Variants in STRN3 observed in about 807,000 individuals in gnomAD.
STRN3 encodes striatin-3.
Under a neutral mutation model 95.6 loss-of-function variants are expected in STRN3, and 29 were observed. That is an observed-to-expected ratio of 0.30 (90% CI 0.23 to 0.41). STRN3 has a LOEUF of 0.41. STRN3 is among the 10% of genes least tolerant of loss of function. The pLI is 1.00. For synonymous variants in STRN3, 331 were observed against 357.6 expected (o/e 0.93, Z 0.84); for missense variants, 890 against 972.1 (o/e 0.92, Z 1.12).
chr14:30,958,886 G>A (rs1159491917), intron 1 of STRN3, among the ~76,000 whole-genome samples: 1 of 151,982 alleles, frequency 6.6e-6, no homozygotes, highest in Non-Finnish European at 1.5e-5. Flanking sequence ...TCCACACTTA[G>A]ACAATCTAGT....
intron 16 of STRN3, among the ~76,000 whole-genome samples, chr14:30,900,632 C>G (rs1049319879): frequency 2.6e-4 from 39 of 151,652 alleles, no homozygotes; most frequent in Non-Finnish European, 4.6e-4. Flanking sequence ...GTAGTCCCAC[C>G]CAGCTATGTG....
intron 5 of STRN3, among the ~76,000 whole-genome samples, chr14:30,941,048 C>T (rs1331841485): frequency 6.6e-6 from 1 of 152,132 alleles, no homozygotes; most frequent in East Asian, 1.9e-4. Context: ...GCCTTTTCCA[C>T]CATGCGAAAA....
intron 1 of STRN3, among the ~76,000 whole-genome samples, chr14:30,987,245 C>T (rs1228345283): frequency 4.6e-5 from 7 of 152,174 alleles, no homozygotes; most frequent in Non-Finnish European, 8.8e-5. Flanking sequence ...CAGTGGCTCA[C>T]GCCTGTAATC....
Position 30,978,332 on chromosome 14 carries a change from T to C in STRN3, c.283-22090A>G, listed in dbSNP as rs145453441. Among the ~76,000 whole-genome samples the C allele has an allele frequency of 2.9e-3, 441 of 152,002 alleles. 5 individuals carry two copies. The highest frequency in any genetic ancestry group is 0.01 in the African/African-American group (418 of 41,460). On this transcript the variant is annotated intron_variant, in intron 1 of 17. Coordinates refer to ENST00000357479, the MANE Select transcript of STRN3 (RefSeq NM_001083893.2). The stretch of plus-strand genomic sequence containing the variant: ...ACTAGACTGATTCAACATTCAAAAC[T>C]GTGTTAATATAACGCATCATTAATT...
intron 1 of STRN3, among the ~76,000 whole-genome samples, chr14:30,958,959 G>A (rs1458401289): frequency 1.3e-5 from 2 of 152,068 alleles, no homozygotes; most frequent in African/African-American, 4.8e-5. Flanking sequence ...CTGAACAGAC[G>A]GCTGAAAGGA....
At chr14:30,945,222 A>C (rs901384290) in intron 5 of STRN3, among the ~76,000 whole-genome samples, 7 of 152,210 alleles carry the variant, frequency 4.6e-5, no homozygotes, top group Non-Finnish European at 1.0e-4. Context: ...GTGGGGAGGT[A>C]AAACAGTGCA....
intron 1 of STRN3, among the ~76,000 whole-genome samples, chr14:30,967,047 G>A (rs183263595): frequency 3.3e-5 from 5 of 151,496 alleles, no homozygotes; most frequent in African/African-American, 1.2e-4. Flanking sequence ...AGGGGTTGAG[G>A]CTTCCGGGAC....
At chr14:30,933,405 TATAAA>T in intron 7 of STRN3, among the ~76,000 whole-genome samples, 1 of 151,652 alleles carries the variant, frequency 6.6e-6, no homozygotes, top group Non-Finnish European at 1.5e-5. Flanking sequence ...TACATATACT[TATAAA>T]ATATTCATCT....
At chr14:30,975,756 C>A (rs1881069833) in intron 1 of STRN3, among the ~76,000 whole-genome samples, 1 of 150,168 alleles carries the variant, frequency 6.7e-6, no homozygotes, top group African/African-American at 2.5e-5. Context: ...CCACTTGAAC[C>A]CAGGAGATCA....
chr14:30,990,817 G>A (rs1251037219), intron 1 of STRN3, among the ~76,000 whole-genome samples: 1 of 152,078 alleles, frequency 6.6e-6, no homozygotes, highest in Admixed American at 6.6e-5. Flanking sequence ...TACAATGTAG[G>A]TGCATGTAAA....
chr14:30,919,313 T>G (rs956441226), intron 8 of STRN3, among the ~76,000 whole-genome samples: 19 of 151,718 alleles, frequency 1.3e-4, no homozygotes, highest in African/African-American at 3.6e-4. Flanking sequence ...GAGAGAGAGA[T>G]ATATATAAAG....
At chr14:30,995,037 G>A (rs1329016139) in intron 1 of STRN3, among the ~76,000 whole-genome samples, 3 of 152,162 alleles carry the variant, frequency 2.0e-5, no homozygotes, top group Non-Finnish European at 1.5e-5. Flanking sequence ...AATACTAAAT[G>A]TTTAAGTGCC....
chr14:31,008,200 AG>A (rs1882808929), intron 1 of STRN3, among the ~76,000 whole-genome samples: 1 of 22,016 alleles, frequency 4.5e-5, no homozygotes, highest in Non-Finnish European at 1.9e-4. Context: ...CAAAAAAAAA[AG>A]AAAAAGAAAA....
chr14:30,944,555 A>G lies in STRN3; in HGVS notation c.716+2535T>C, dbSNP rs1467887387. On this transcript the variant is annotated intron_variant, in intron 5 of 17. Coordinates refer to ENST00000357479, the MANE Select transcript of STRN3 (RefSeq NM_001083893.2). The stretch of plus-strand genomic sequence containing the variant: ...TATATATACATGTATATATACACGT[A>G]TATATATATATATATACACACACAG... Among the ~76,000 whole-genome samples, 24 of 49,508 alleles carry G rather than the reference A, an allele frequency of 4.8e-4. 1 individual carries two copies. The South Asian group carries it at 7.1e-3, about 15-fold the overall frequency. 32.5% of individuals were successfully genotyped at this position (49,508 alleles called of 152,430 possible).
At chr14:30,998,354 T>C (rs1882298439) in intron 1 of STRN3, among the ~76,000 whole-genome samples, 1 of 152,086 alleles carries the variant, frequency 6.6e-6, no homozygotes. Flanking sequence ...ACTAAAAAGC[T>C]TAAAAAGAAA....
At chr14:30,994,994 T>C (rs1442062759) in intron 1 of STRN3, among the ~76,000 whole-genome samples, 1 of 152,230 alleles carries the variant, frequency 6.6e-6, no homozygotes, top group Non-Finnish European at 1.5e-5. Flanking sequence ...GTGACAGTTA[T>C]GAGTCAAATG....
intron 1 of STRN3, among the ~76,000 whole-genome samples, chr14:30,956,995 C>T (rs1318022322): frequency 6.6e-6 from 1 of 150,718 alleles, no homozygotes; most frequent in Non-Finnish European, 1.5e-5. Flanking sequence ...CCCCTCTCTA[C>T]AAAAATACAA....
At chr14:30,929,967 A>AAAAAACAAACAAAAAACAAAAAAAC (rs1878429462) in intron 7 of STRN3, among the ~76,000 whole-genome samples, 1 of 91,122 alleles carries the variant, frequency 1.1e-5, no homozygotes, top group African/African-American at 3.8e-5. Flanking sequence ...AAAAAAAAAA[A>AAAAAACAAACAAAAAACAAAAAAAC]AAAAAAAAAA....
chr14:30,987,462 G>T (rs1312808253), intron 1 of STRN3, among the ~76,000 whole-genome samples: 2 of 151,922 alleles, frequency 1.3e-5, no homozygotes, highest in Non-Finnish European at 2.9e-5. Context: ...AGCTGAGATC[G>T]CGCCACTGCA....
Sources: allele counts gnomAD v4.1 joint callset (sites outside exome capture counted in the v4.1 genomes callset), GRCh38; gene constraint gnomAD v4.1.1; transcripts MANE v1.5; gene names NCBI Gene and HGNC (gene_info 2026-07-23, HGNC 2026-07-21).